The following MYLK variants were observed in gnomAD, a reference collection of about 807,000 sequenced individuals.
MYLK encodes the protein myosin light chain kinase, smooth muscle.
MYLK carries 106 observed loss-of-function variants against 203.4 expected under a neutral mutation model. That is an observed-to-expected ratio of 0.52 (90% confidence interval 0.45 to 0.61). The LOEUF is 0.61. Among genes scored for constraint, MYLK ranks in the 20% least tolerant of loss-of-function variants. The pLI is 0.00. For synonymous variants in MYLK, 867 were observed against 959.5 expected, an observed-to-expected ratio of 0.90 and a Z score of 1.78; for missense variants, 2,072 against 2,442.3, an observed-to-expected ratio of 0.85 and a Z score of 3.20.
chr3:123,622,498 T>C (rs2057921390), intron 31 of MYLK: 1 of 152,248 alleles, frequency 6.6e-6, no homozygotes, highest in African/African-American at 2.4e-5. Context: ...GAGGACTGTC[T>C]TCACCTGTGT....
At chr3:123,636,423 G>A (rs1373160400) in intron 29 of MYLK, among the ~76,000 whole-genome samples, 1 of 152,244 alleles carries the variant, frequency 6.6e-6, no homozygotes, top group African/African-American at 2.4e-5. Context: ...CTGATGCCAC[G>A]GCAGTGGGAA....
intron 20 of MYLK, among the ~76,000 whole-genome samples, chr3:123,669,354 C>A (rs959478768): frequency 6.6e-6 from 1 of 152,084 alleles, no homozygotes; most frequent in Non-Finnish European, 1.5e-5. Flanking sequence ...AGGAGGAAAC[C>A]AAACAATGTA....
chr3:123,855,778 C>A (rs1037477893), intron 2 of MYLK, among the ~76,000 whole-genome samples: 3 of 152,084 alleles, frequency 2.0e-5, no homozygotes, highest in African/African-American at 7.2e-5. Context: ...CCTCTCACTC[C>A]AAAAGACAAG....
At chr3:123,830,611 AC>A (rs1387828437) in intron 3 of MYLK, among the ~76,000 whole-genome samples, 1 of 152,074 alleles carries the variant, frequency 6.6e-6, no homozygotes, top group African/African-American at 2.4e-5. Context: ...CCCCAGGTCC[AC>A]CACCCACCAA....
chr3:123,746,829 C>A (rs1227709827), intron 5 of MYLK, among the ~76,000 whole-genome samples: 1 of 152,078 alleles, frequency 6.6e-6, no homozygotes, highest in Non-Finnish European at 1.5e-5. Context: ...GTATATACCC[C>A]TAGAAAATGA....
rs1382060732 is a variant in MYLK at position 123,793,712 on chromosome 3, T to C, written c.130A>G (p.Ile44Val). 2 of 1,614,170 alleles carry C rather than the reference T, an allele frequency of 1.2e-6. No individual in the cohort carries two copies. Among genetic ancestry groups the C allele is most frequent in the Non-Finnish European group, 1.7e-6 (2 of 1,180,022 alleles). ...AFILPPRNLCIKEGATAKFEG... is the reference protein window; with the variant it reads ...AFILPPRNLCVKEGATAKFEG... Reference sequence around the variant, plus strand: ...AACTTGGCGGTGGCTCCTTCTTTGATGCAGAGGTTCCGAGGGGGCAAAATG... The same window carrying C: ...AACTTGGCGGTGGCTCCTTCTTTGACGCAGAGGTTCCGAGGGGGCAAAATG... The change falls in exon 4 of 34, where the codon ATC becomes GTC. Residue 44 changes from isoleucine (I) to valine (V), a missense_variant. Transcript: ENST00000360304.
At chr3:123,620,987 A>G (rs3845915) in intron 31 of MYLK, 43,095 of 152,438 alleles carry the variant, frequency 0.28, 9,239 homozygotes, top group African/African-American at 0.58. Context: ...GCACAAGTCT[A>G]TGATGCAGTG....
At chr3:123,649,092 G>A (rs771598811) in intron 25 of MYLK, 28 bp from the exon 26 acceptor site, 3 of 1,613,998 alleles carry the variant, frequency 1.9e-6, no homozygotes, top group East Asian at 2.2e-5. Flanking sequence ...GGGTTGGTGT[G>A]AGTCTCAGAT....
chr3:123,752,206 A>C, intron 5 of MYLK, 125 bp downstream of exon 5: 1 of 1,020,602 alleles, frequency 9.8e-7, no homozygotes. Flanking sequence ...CCGGGGTTCA[A>C]GGATGGGGTG....
Position 123,667,227 on chromosome 3 carries a change from G to GT in MYLK, c.3653-41dup, listed in dbSNP as rs762937192. The GT allele has an allele frequency of 1.7e-4, 268 of 1,601,456 alleles. 1 individual carries two copies. The highest frequency in any genetic ancestry group is 2.2e-4 in the Non-Finnish European group (254 of 1,169,208). On this transcript the variant is annotated intron_variant, in intron 20 of 33. Transcript: ENST00000360304. ...TTCACAAGTTATTTCCTGTAGTTCT[G>GT]TTTTTTTCACAAAGCTCCTGATCCT...
At chr3:123,677,465 C>T (rs984548655) in intron 20 of MYLK, among the ~76,000 whole-genome samples, 3 of 150,528 alleles carry the variant, frequency 2.0e-5, no homozygotes, top group East Asian at 3.9e-4. Context: ...ACCTGGAGTC[C>T]GACAGGAGTA....
At chr3:123,735,655 G>A in intron 8 of MYLK, 1 of 514,050 alleles carries the variant, frequency 1.9e-6, no homozygotes, top group Non-Finnish European at 3.5e-6. Context: ...CTGAGGGCAT[G>A]GAATCTGTTT....
intron 4 of MYLK, among the ~76,000 whole-genome samples, chr3:123,754,604 T>C (rs1277469379): frequency 6.6e-6 from 1 of 152,146 alleles, no homozygotes; most frequent in Non-Finnish European, 1.5e-5. Flanking sequence ...ACCGCATCCA[T>C]TGGGATGCAC....
At chr3:123,835,133 T>C (rs2066443059) in intron 2 of MYLK, among the ~76,000 whole-genome samples, 1 of 152,242 alleles carries the variant, frequency 6.6e-6, no homozygotes, top group Non-Finnish European at 1.5e-5. Context: ...GTGTGGTCCC[T>C]AATTAGCATC....
Position 123,638,816 on chromosome 3 carries a change from T to C in MYLK, c.4838-622A>G, listed in dbSNP as rs2058734894. ...TACTGGTAGGGTAGTCGGGAGAGGCTTCAACCCCAGGGTGGTACCTCTTGG... is the reference window on the plus strand; with the variant it reads ...TACTGGTAGGGTAGTCGGGAGAGGCCTCAACCCCAGGGTGGTACCTCTTGG... On this transcript the variant is annotated intron_variant, in intron 28 of 33. Transcript: ENST00000360304. 4 of 985,430 alleles carry C rather than the reference T, an allele frequency of 4.1e-6. No individual in the cohort carries two copies. In the South Asian group the frequency reaches 1.9e-4, roughly 46 times the overall value. The allele number at this position is 985,430 out of a possible 1,614,324, so 61.0% of individuals were successfully genotyped here.
At chr3:123,655,568 C>T (rs2059366958) in intron 24 of MYLK, among the ~76,000 whole-genome samples, 1 of 152,242 alleles carries the variant, frequency 6.6e-6, no homozygotes, top group African/African-American at 2.4e-5. Flanking sequence ...GAAACCGCAG[C>T]TCCCCTCTCC....
intron 20 of MYLK, among the ~76,000 whole-genome samples, chr3:123,674,360 T>C (rs1002391305): frequency 2.6e-5 from 4 of 152,196 alleles, no homozygotes; most frequent in Non-Finnish European, 5.9e-5. Context: ...TGTCACTCTG[T>C]GGCCAAAGTG....
intron 28 of MYLK, among the ~76,000 whole-genome samples, chr3:123,639,425 TC>T (rs1166320491): frequency 6.6e-6 from 1 of 152,182 alleles, no homozygotes; most frequent in African/African-American, 2.4e-5. Context: ...GCCCCTCCTT[TC>T]TACTACCTGC....
At chr3:123,718,432 C>T (rs1281972458) in intron 13 of MYLK, among the ~76,000 whole-genome samples, 1 of 152,212 alleles carries the variant, frequency 6.6e-6, no homozygotes, top group African/African-American at 2.4e-5. Context: ...TGAATTTTCA[C>T]GGAGTAAATT....
Sources: allele counts gnomAD v4.1 joint callset (sites outside exome capture counted in the v4.1 genomes callset), GRCh38; gene constraint gnomAD v4.1.1; transcripts MANE v1.5; gene names NCBI Gene and HGNC (gene_info 2026-07-23, HGNC 2026-07-21).